EHF: variants seen among roughly 807,000 people sequenced by gnomAD.
EHF encodes the protein ETS homologous factor, also known as ESE3 transcription factor.
A neutral mutation model predicts 45.1 loss-of-function variants in EHF; 14 were observed. The observed-to-expected ratio is 0.31, with a 90% CI of 0.21 to 0.49. The LOEUF is 0.49. Ranked by LOEUF, EHF falls within the 20% of genes least tolerant of loss-of-function variation. EHF has a pLI of 0.99. For synonymous variants in EHF, 136 were observed against 131.8 expected, an observed-to-expected ratio of 1.03 and a Z score of -0.22; for missense variants, 282 against 371.4, an observed-to-expected ratio of 0.76 and a Z score of 1.98.
chr11:34,632,563 G>C lies in EHF; in HGVS notation c.-3-10065G>C, dbSNP rs1357278534. On this transcript the variant is annotated intron_variant, in intron 1 of 8. Coordinates refer to ENST00000257831, the MANE Select transcript of EHF (RefSeq NM_012153.6). ...TCCTCTCTGCCAACTCCACGTCCTAGTCAGAGTTTTCTGTGAAGGCAAGGG... is the reference window on the plus strand; with the variant it reads ...TCCTCTCTGCCAACTCCACGTCCTACTCAGAGTTTTCTGTGAAGGCAAGGG... 5 of 1,535,490 alleles carry C rather than the reference G, an allele frequency of 3.3e-6. No homozygotes were observed. In the African/African-American group the frequency reaches 6.8e-5, roughly 21 times the overall value.
intron 7 of EHF, 27 bp from the exon 8 acceptor site, chr11:34,658,506 G>A (rs3818514): frequency 0.49 from 782,697 of 1,596,852 alleles, 201,123 homozygotes; most frequent in Non-Finnish European, 0.53. Context: ...TAGATCATTA[G>A]TAACCTGCCT....
chr11:34,646,880 C>A, intron 3 of EHF, 196 bp downstream of exon 3: 1 of 648,868 alleles, frequency 1.5e-6, no homozygotes, highest in Non-Finnish European at 2.6e-6. Flanking sequence ...TGTGCCTAAT[C>A]CCTTATAAAT....
chr11:34,632,375 A>G (rs1170693510), intron 1 of EHF: 1 of 1,084,602 alleles, frequency 9.2e-7, no homozygotes, highest in Non-Finnish European at 1.3e-6. Flanking sequence ...AGCTCTGTTT[A>G]CGGTGGGTTT....
chr11:34,640,886 C>G (rs2134090889), intron 1 of EHF, among the ~76,000 whole-genome samples: 1 of 152,266 alleles, frequency 6.6e-6, no homozygotes, highest in East Asian at 1.9e-4. Flanking sequence ...TCGTGCCCTA[C>G]TTTGTGCCAG....
chr11:34,653,466 G>A (rs952874927), intron 6 of EHF, among the ~76,000 whole-genome samples: 6 of 152,244 alleles, frequency 3.9e-5, no homozygotes, highest in South Asian at 4.1e-4. Flanking sequence ...TGAGTCCACC[G>A]ATTGTATTTT....
rs368092474 is a variant in EHF, at chr11:34,652,706, A to C, written c.544+901A>C. Among the ~76,000 whole-genome samples the C allele has an allele frequency of 2.8e-3, 354 of 126,282 alleles. 1 individual carries two copies. The highest frequency in any genetic ancestry group is 8.4e-3 in the African/African-American group (340 of 40,530). 82.8% of individuals were successfully genotyped at this position (126,282 alleles called of 152,430 possible). On this transcript the variant is annotated intron_variant, in intron 6 of 8. Coordinates refer to ENST00000257831, the MANE Select transcript of EHF (RefSeq NM_012153.6). The stretch of plus-strand genomic sequence containing the variant: ...AATGGGATTTAATTGGGTCTTTGTG[A>C]AAGAAATTAGTCTGCAACCCTTCCT...
intron 6 of EHF, among the ~76,000 whole-genome samples, chr11:34,655,383 T>C (rs184621771): frequency 2.0e-5 from 3 of 152,338 alleles, no homozygotes; most frequent in East Asian, 1.9e-4. Flanking sequence ...TCTTTTCTAC[T>C]AACAAGAGCA....
chr11:34,660,514 T>C lies in EHF; in HGVS notation c.*1583T>C, dbSNP rs940177445. 1 of 152,114 alleles carries C rather than the reference T, an allele frequency of 6.6e-6. No individual in the cohort carries two copies. Among genetic ancestry groups the C allele is most frequent in the African/African-American group, 2.4e-5 (1 of 41,436 alleles). 9.4% of individuals were successfully genotyped at this position (152,114 alleles called of 1,614,324 possible). On this transcript the variant is annotated 3_prime_UTR_variant, in exon 9 of 9. Transcript: ENST00000257831. ...AACAGAAAACTCAGCTCAGGCACAA[T>C]TGTCACCAAGGAGTTAAAAGCTTCT...
chr11:34,656,780 G>T lies in EHF; in HGVS notation c.545-128G>T, dbSNP rs551618556. The T allele has an allele frequency of 2.1e-5, 21 of 1,001,202 alleles. No homozygotes were observed. In the South Asian group the frequency reaches 3.4e-4, roughly 16 times the overall value. The allele number at this position is 1,001,202 out of a possible 1,614,324, so 62.0% of individuals were successfully genotyped here. A position where few individuals can be genotyped will look rare whatever the true frequency, so the allele number is the denominator to read the frequency against. The stretch of plus-strand genomic sequence containing the variant: ...CATCTCTGTTTTGTTTGGTTCACTA[G>T]CACATACTCAAAGGTGCCAGGCATG... On this transcript the variant is annotated intron_variant, in intron 6 of 8. Transcript: ENST00000257831.
intron 1 of EHF, chr11:34,622,133 T>G (rs1056480275): frequency 2.1e-5 from 4 of 189,982 alleles, no homozygotes; most frequent in Non-Finnish European, 4.4e-5. Flanking sequence ...AGCCCCAATG[T>G]GGACTGATCT....
chr11:34,626,045 C>T (rs545506938), intron 1 of EHF, among the ~76,000 whole-genome samples: 25 of 152,300 alleles, frequency 1.6e-4, no homozygotes, highest in African/African-American at 5.8e-4. Context: ...AACAGACCAC[C>T]TCATTAACCC....
chr11:34,629,069 G>A (rs1004162537), intron 1 of EHF, among the ~76,000 whole-genome samples: 16 of 152,158 alleles, frequency 1.1e-4, no homozygotes, highest in South Asian at 2.1e-4. Flanking sequence ...AAGCTGCTGC[G>A]GAGAGCCCTC....
chr11:34,653,435 A>T (rs1035470611), intron 6 of EHF, among the ~76,000 whole-genome samples: 3 of 152,216 alleles, frequency 2.0e-5, no homozygotes. Flanking sequence ...CATTTGCAGT[A>T]GCAAGGAACT....
At chr11:34,650,132 G>A (rs1480258697) in intron 4 of EHF, among the ~76,000 whole-genome samples, 1 of 152,208 alleles carries the variant, frequency 6.6e-6, no homozygotes, top group Non-Finnish European at 1.5e-5. Context: ...CCCCTCCCCT[G>A]CTTGACCTGT....
chr11:34,658,729 G>A lies in EHF; in HGVS notation c.803+1G>A. On this transcript the variant is annotated splice_donor_variant, in intron 8 of 8. Coordinates refer to ENST00000257831, the MANE Select transcript of EHF (RefSeq NM_012153.6). LOFTEE classifies it high-confidence loss of function. ...ATGAAAAGCTCAGCCGAGCTATGAG[G>A]TGAGGAGTTTCATGTCTCTGAAAAC... 1 of 1,611,890 alleles carries A rather than the reference G, an allele frequency of 6.2e-7. No homozygotes were observed. The highest frequency in any genetic ancestry group is 8.5e-7 in the Non-Finnish European group (1 of 1,179,038).
At chr11:34,624,821 G>A (rs1852229258) in intron 1 of EHF, among the ~76,000 whole-genome samples, 1 of 152,164 alleles carries the variant, frequency 6.6e-6, no homozygotes. Context: ...TGGAGTGATG[G>A]GAGCACAGTG....
At position 34,661,890 on chromosome 11, in the gene EHF, T is replaced by A. The variant is rs1248192556; in HGVS notation, c.*2959T>A. On this transcript the variant is annotated 3_prime_UTR_variant, in exon 9 of 9. Coordinates refer to ENST00000257831, the MANE Select transcript of EHF (RefSeq NM_012153.6). ...TTTCATGGGAACATGAGGCAGCAAA[T>A]CTATTGCTAAGACTTTACCAGGCTC... 2.0e-5 allele frequency among the ~76,000 whole-genome samples: 3 copies of A among 152,076 alleles called. No individual in the cohort carries two copies. Among genetic ancestry groups the A allele is most frequent in the Non-Finnish European group, 4.4e-5 (3 of 68,006 alleles).
intron 6 of EHF, among the ~76,000 whole-genome samples, chr11:34,654,523 T>G (rs1002272821): frequency 6.6e-6 from 1 of 152,128 alleles, no homozygotes; most frequent in African/African-American, 2.4e-5. Context: ...TTATTCCCCT[T>G]TATGATGATG....
intron 1 of EHF, among the ~76,000 whole-genome samples, chr11:34,622,646 TC>T (rs1276509266): frequency 1.3e-5 from 2 of 151,694 alleles, no homozygotes; most frequent in Non-Finnish European, 2.9e-5. Flanking sequence ...GATCCACTTT[TC>T]CTCTTTTTGT....
Sources: allele counts gnomAD v4.1 joint callset (sites outside exome capture counted in the v4.1 genomes callset), GRCh38; gene constraint gnomAD v4.1.1; transcripts MANE v1.5; gene names NCBI Gene and HGNC (gene_info 2026-07-23, HGNC 2026-07-21).